Variants in CETP observed in about 807,000 individuals in gnomAD.
CETP encodes the protein cholesteryl ester transfer protein.
CETP carries 56 observed loss-of-function variants against 66.5 expected under a neutral mutation model. The observed-to-expected ratio is 0.84, with a 90% CI of 0.68 to 1.05. The LOEUF is 1.05. Among genes scored for constraint, CETP ranks in the 50% least tolerant of loss-of-function variants. The pLI is 0.00. For synonymous variants in CETP, 251 were observed against 245.7 expected, an observed-to-expected ratio of 1.02 and a Z score of -0.20; for missense variants, 612 against 609.6, an observed-to-expected ratio of 1.00 and a Z score of -0.04.
chr16:56,980,360 C>A (rs764147297), intron 11 of CETP, among the ~76,000 whole-genome samples: 3 of 152,082 alleles, frequency 2.0e-5, no homozygotes, highest in Non-Finnish European at 4.4e-5. Context: ...TTTGTAGAGA[C>A]AGGGTTTTGC....
rs781445411 is a variant in CETP, at chr16:56,969,947, CT to C, written c.474del (p.Asp159ThrfsTer34). The C allele has an allele frequency of 3.7e-6, 6 of 1,614,158 alleles. No homozygotes were observed. In the South Asian group the frequency reaches 6.6e-5, roughly 18 times the overall value. ...CDSGRVRTDA[P>X]DCYLSFHKLL... is the part of the protein sequence containing the mutation. ...TCTGGTAGAGTGCGGACCGATGCCC[CT>C]GACTGCTACCTGTCTTTCCATAAGC... is the stretch of plus-strand genomic sequence containing the variant. On this transcript the variant is annotated frameshift_variant, in exon 5 of 16. Transcript: ENST00000200676. LOFTEE classifies it high-confidence loss of function.
intron 8 of CETP, among the ~76,000 whole-genome samples, chr16:56,972,665 C>T (rs1463953595): frequency 1.3e-5 from 2 of 152,178 alleles, no homozygotes; most frequent in Non-Finnish European, 2.9e-5. Context: ...GCTCACAGCC[C>T]GTTGGCCTGA....
At chr16:56,977,654 TATCCCCACCCCTAGCCCAG>T (rs2056158943) in intron 10 of CETP, among the ~76,000 whole-genome samples, 1 of 152,208 alleles carries the variant, frequency 6.6e-6, no homozygotes, top group South Asian at 2.1e-4. Context: ...CTCTCTGCTC[TATCCCCACCCCTAGCCCAG>T]CTGCTACAGC....
chr16:56,962,414 G>A (rs764986871), intron 1 of CETP: 9 of 615,912 alleles, frequency 1.5e-5, no homozygotes, highest in Admixed American at 1.1e-4. Context: ...AGGGGGTTGA[G>A]TCAGGGGGTA....
chr16:56,967,742 A>C (rs1329839332), intron 2 of CETP, among the ~76,000 whole-genome samples: 1 of 152,152 alleles, frequency 6.6e-6, no homozygotes, highest in East Asian at 1.9e-4. Flanking sequence ...CTAATTCTAA[A>C]TTAGAGCATT....
intron 2 of CETP, among the ~76,000 whole-genome samples, chr16:56,965,763 G>A (rs1223844335): frequency 6.6e-6 from 1 of 152,100 alleles, no homozygotes; most frequent in African/African-American, 2.4e-5. Context: ...AGAGGGATAT[G>A]AGAGTGAATG....
At chr16:56,968,809 C>A (rs908214030) in intron 2 of CETP, among the ~76,000 whole-genome samples, 1 of 150,952 alleles carries the variant, frequency 6.6e-6, no homozygotes, top group African/African-American at 2.4e-5. Flanking sequence ...TTGTTTTCAC[C>A]GATTGTTGTT....
At chr16:56,967,606 G>C (rs1409195323) in intron 2 of CETP, among the ~76,000 whole-genome samples, 1 of 145,860 alleles carries the variant, frequency 6.9e-6, no homozygotes, top group East Asian at 2.0e-4. Flanking sequence ...AGTGAGCCGA[G>C]ATCGTGCCAC....
chr16:56,972,209 C>A lies in CETP; in HGVS notation c.750+126C>A, dbSNP rs1029373089. 1.5e-5 allele frequency: 11 copies of A among 711,278 alleles called. No homozygotes were observed. In the African/African-American group the frequency reaches 1.9e-4, roughly 12 times the overall value. 44.1% of individuals were successfully genotyped at this position (711,278 alleles called of 1,614,324 possible). ...AGCCAAGAGTCCTGGGGCGCTCCTC[C>A]TCATTCCTGATGCTCCTCCGCATTC... On this transcript the variant is annotated intron_variant, in intron 8 of 15. Coordinates refer to ENST00000200676, the MANE Select transcript of CETP (RefSeq NM_000078.3).
chr16:56,978,305 TGGGCC>T, intron 11 of CETP, 50 bp downstream of exon 11: 1 of 1,611,646 alleles, frequency 6.2e-7, no homozygotes, highest in Non-Finnish European at 8.5e-7. Flanking sequence ...GACTCACATA[TGGGCC>T]GCAGAGGGCA....
rs1399562345 is a variant in CETP, at chr16:56,973,651, C to T, written c.930+141C>T. On this transcript the variant is annotated intron_variant, in intron 9 of 15. Coordinates refer to ENST00000200676, the MANE Select transcript of CETP (RefSeq NM_000078.3). ...TAAGCTGGAGCAATAGCAGTGAAGTCCAGACTGGGCACAGTGGCTCACACC... is the reference window on the plus strand; with the variant it reads ...TAAGCTGGAGCAATAGCAGTGAAGTTCAGACTGGGCACAGTGGCTCACACC... 3 of 894,010 alleles carry T rather than the reference C, an allele frequency of 3.4e-6. No individual in the cohort carries two copies. The Admixed American group carries it at 6.3e-5, about 19-fold the overall frequency. The allele number at this position is 894,010 out of a possible 1,614,324, so 55.4% of individuals were successfully genotyped here. A position where few individuals can be genotyped will look rare whatever the true frequency, so the allele number is the denominator to read the frequency against.
Position 56,966,760 on chromosome 16 carries a change from C to T in CETP, c.234-2626C>T, listed in dbSNP as rs551463334. Among the ~76,000 whole-genome samples, 594 of 144,082 alleles carry T rather than the reference C, an allele frequency of 4.1e-3. 1 individual carries two copies. Among genetic ancestry groups the T allele is most frequent in the Non-Finnish European group, 6.9e-3 (463 of 67,118 alleles). The allele number at this position is 144,082 out of a possible 152,430, so 94.5% of individuals were successfully genotyped here. On this transcript the variant is annotated intron_variant, in intron 2 of 15. Coordinates refer to ENST00000200676, the MANE Select transcript of CETP (RefSeq NM_000078.3). ...AACCACAAGCATATGCCACCACTCC[C>T]GGCTAATCTTTTTTTTTTTTTTTTA...
At position 56,967,202 on chromosome 16, in the gene CETP, C is replaced by A. The variant is rs138191593; in HGVS notation, c.234-2184C>A. 1.3e-4 allele frequency among the ~76,000 whole-genome samples: 19 copies of A among 151,188 alleles called. No homozygotes were observed. In the East Asian group the frequency reaches 3.5e-3, roughly 28 times the overall value. Reference sequence around the variant, plus strand: ...ATCTCTATTAAAAGTACAAAATTAGCTGGGCATGATGGTGCATGCCCATAA... The same window carrying A: ...ATCTCTATTAAAAGTACAAAATTAGATGGGCATGATGGTGCATGCCCATAA... On this transcript the variant is annotated intron_variant, in intron 2 of 15. Transcript: ENST00000200676.
intron 10 of CETP, among the ~76,000 whole-genome samples, chr16:56,977,178 C>T (rs1268005945): frequency 2.6e-5 from 4 of 152,048 alleles, no homozygotes; most frequent in South Asian, 2.1e-4. Context: ...CCCAAAGTGC[C>T]GGGATTACAG....
intron 2 of CETP, among the ~76,000 whole-genome samples, chr16:56,965,136 A>G (rs2056057075): frequency 6.6e-6 from 1 of 152,234 alleles, no homozygotes; most frequent in South Asian, 2.1e-4. Flanking sequence ...ATGTGTTGCA[A>G]GAGGTCAGAC....
rs1269538518 is a variant in CETP at position 56,983,648 on chromosome 16, C to T, written c.1464C>T (p.Phe488=). The T allele has an allele frequency of 1.2e-6, 2 of 1,614,070 alleles. No homozygotes were observed. Among genetic ancestry groups the T allele is most frequent in the Non-Finnish European group, 1.7e-6 (2 of 1,180,026 alleles). Residue 488 remains phenylalanine (F), a synonymous_variant, in exon 16 of 16, where the codon TTC becomes TTT. Transcript: ENST00000200676. ...FGFPEHLLVD[F]LQSLS is the part of the protein sequence containing the mutation. Reference sequence around the variant, plus strand: ...TCCCTGAGCACCTGCTGGTGGATTTCCTCCAGAGCTTGAGCTAGAAGTCTC... The same window carrying T: ...TCCCTGAGCACCTGCTGGTGGATTTTCTCCAGAGCTTGAGCTAGAAGTCTC...
intron 4 of CETP, 109 bp downstream of exon 4, chr16:56,969,790 C>A: frequency 6.5e-7 from 1 of 1,549,166 alleles, no homozygotes; most frequent in Non-Finnish European, 8.8e-7. Flanking sequence ...AAAGGAGGCC[C>A]AGCCTGGGAA....
intron 2 of CETP, among the ~76,000 whole-genome samples, chr16:56,968,237 G>A (rs2056082369): frequency 1.3e-5 from 2 of 152,022 alleles, no homozygotes; most frequent in Non-Finnish European, 2.9e-5. Context: ...CCAGGCTGGA[G>A]TGTAATGGCG....
chr16:56,972,395 C>T (rs1238069696), intron 8 of CETP, among the ~76,000 whole-genome samples: 3 of 152,354 alleles, frequency 2.0e-5, no homozygotes, highest in East Asian at 3.9e-4. Context: ...TGGCCCCCCC[C>T]CAGGGGGTAC....
Sources: allele counts gnomAD v4.1 joint callset (sites outside exome capture counted in the v4.1 genomes callset), GRCh38; gene constraint gnomAD v4.1.1; transcripts MANE v1.5; gene names NCBI Gene and HGNC (gene_info 2026-07-23, HGNC 2026-07-21).